Variants in NALF1 observed in about 807,000 individuals in gnomAD.
The protein encoded by NALF1 is NALCN channel auxiliary factor 1, also known as family with sequence similarity 155 member A.
NALF1 carries 3 observed loss-of-function variants against 48.4 expected under a neutral mutation model. That is an observed-to-expected ratio of 0.06 (90% CI 0.03 to 0.16). The LOEUF (loss-of-function observed/expected upper bound fraction) is 0.16. Ranked by LOEUF, NALF1 falls within the 10% of genes least tolerant of loss-of-function variation. The pLI, the probability that NALF1 is intolerant of heterozygous loss-of-function variation, is 1.00. For synonymous variants in NALF1, 262 were observed against 245.7 expected (o/e 1.07, Z -0.62); for missense variants, 526 against 571.5 (o/e 0.92, Z 0.81).
intron 1 of NALF1, among the ~76,000 whole-genome samples, chr13:107,673,653 C>A (rs898432867): frequency 2.6e-5 from 4 of 152,062 alleles, no homozygotes; most frequent in African/African-American, 9.7e-5. Context: ...GCAATAATAT[C>A]TAGTTTCAAA....
At chr13:107,728,926 A>G (rs1249602273) in intron 1 of NALF1, among the ~76,000 whole-genome samples, 1 of 152,210 alleles carries the variant, frequency 6.6e-6, no homozygotes, top group Non-Finnish European at 1.5e-5. Flanking sequence ...AGAAAGATAA[A>G]GCCATGCAAT....
intron 1 of NALF1, among the ~76,000 whole-genome samples, chr13:107,225,628 G>A (rs1880086239): frequency 7.0e-6 from 1 of 143,498 alleles, no homozygotes; most frequent in Non-Finnish European, 1.5e-5. Flanking sequence ...GGGGGATGGG[G>A]ATGGGGATGG....
At chr13:107,299,297 G>A (rs568650343) in intron 1 of NALF1, among the ~76,000 whole-genome samples, 1 of 152,098 alleles carries the variant, frequency 6.6e-6, no homozygotes, top group Admixed American at 6.5e-5. Flanking sequence ...TGGGCATGGT[G>A]GCGCATGCCT....
intron 1 of NALF1, among the ~76,000 whole-genome samples, chr13:107,395,492 C>G (rs566300897): frequency 6.6e-6 from 1 of 152,228 alleles, no homozygotes; most frequent in African/African-American, 2.4e-5. Context: ...TTTAAGATTC[C>G]TCAGACTACA....
At chr13:107,400,025 C>T (rs565650853) in intron 1 of NALF1, among the ~76,000 whole-genome samples, 1 of 152,062 alleles carries the variant, frequency 6.6e-6, no homozygotes, top group East Asian at 1.9e-4. Flanking sequence ...GACAATAGAA[C>T]TAAAATTTTT....
intron 1 of NALF1, among the ~76,000 whole-genome samples, chr13:107,735,562 G>C (rs1876444312): frequency 6.6e-6 from 1 of 152,178 alleles, no homozygotes; most frequent in South Asian, 2.1e-4. Flanking sequence ...GATTAAGTTG[G>C]AAGAGGTGTA....
intron 1 of NALF1, among the ~76,000 whole-genome samples, chr13:107,258,947 G>A (rs936006678): frequency 1.4e-4 from 21 of 152,262 alleles, no homozygotes; most frequent in Admixed American, 3.3e-4. Flanking sequence ...TATGACAGGC[G>A]TGAGCCACTG....
intron 1 of NALF1, among the ~76,000 whole-genome samples, chr13:107,289,488 G>A (rs1881571907): frequency 6.6e-6 from 1 of 152,088 alleles, no homozygotes; most frequent in South Asian, 2.1e-4. Flanking sequence ...ATGTAAGTAA[G>A]TAATATATTA....
chr13:107,438,079 T>G (rs1884491969), intron 1 of NALF1, among the ~76,000 whole-genome samples: 1 of 152,218 alleles, frequency 6.6e-6, no homozygotes, highest in Admixed American at 6.5e-5. Flanking sequence ...TTGTAAATTA[T>G]TCTGAGTGAT....
Position 107,749,847 on chromosome 13 carries a change from T to C in NALF1, c.915+115835A>G, listed in dbSNP as rs530712493. Among the ~76,000 whole-genome samples, 124 of 151,976 alleles carry C rather than the reference T, an allele frequency of 8.2e-4. 1 individual carries two copies. The highest frequency in any genetic ancestry group is 3.0e-3 in the African/African-American group (123 of 41,394). The stretch of plus-strand genomic sequence containing the variant: ...GTTTGTTTGTTTGTTTGAGACAGAG[T>C]CTTGCTCTGTCTCCCAGGCTGGAAT... On this transcript the variant is annotated intron_variant, in intron 1 of 2. Transcript: ENST00000375915.
chr13:107,299,938 C>G (rs550893940), intron 1 of NALF1, among the ~76,000 whole-genome samples: 2 of 152,136 alleles, frequency 1.3e-5, no homozygotes, highest in African/African-American at 4.8e-5. Flanking sequence ...TTCCTTGCCC[C>G]GACCTGAGCA....
intron 1 of NALF1, among the ~76,000 whole-genome samples, chr13:107,523,536 CA>C (rs1319299149): frequency 8.5e-6 from 1 of 117,780 alleles, no homozygotes; most frequent in South Asian, 3.2e-4. Flanking sequence ...CCCCACCCCA[CA>C]ATTTTATATG....
chr13:107,456,127 G>C (rs1282999168), intron 1 of NALF1, among the ~76,000 whole-genome samples: 1 of 152,114 alleles, frequency 6.6e-6, no homozygotes, highest in East Asian at 1.9e-4. Flanking sequence ...GAGGGATAGA[G>C]GAGTTTTTTT....
chr13:107,679,541 C>T (rs547425690), intron 1 of NALF1, among the ~76,000 whole-genome samples: 23 of 152,314 alleles, frequency 1.5e-4, no homozygotes, highest in African/African-American at 5.5e-4. Flanking sequence ...AAATGTAACT[C>T]CAATTCCTCT....
chr13:107,424,698 A>G (rs570772493), intron 1 of NALF1, among the ~76,000 whole-genome samples: 26 of 152,322 alleles, frequency 1.7e-4, no homozygotes, highest in Admixed American at 8.5e-4. Context: ...AATACTGGCT[A>G]ACTTCAAACC....
At chr13:107,382,600 T>C (rs1473184834) in intron 1 of NALF1, among the ~76,000 whole-genome samples, 1 of 152,218 alleles carries the variant, frequency 6.6e-6, no homozygotes, top group East Asian at 1.9e-4. Context: ...TTAATGCCTC[T>C]GTGATGTCAG....
intron 1 of NALF1, among the ~76,000 whole-genome samples, chr13:107,289,705 G>A (rs757748784): frequency 7.9e-5 from 12 of 152,182 alleles, no homozygotes; most frequent in Non-Finnish European, 1.6e-4. Flanking sequence ...TCCATCTGCA[G>A]TCATCCAGCT....
chr13:107,651,779 G>T (rs1020111402), intron 1 of NALF1, among the ~76,000 whole-genome samples: 17 of 152,104 alleles, frequency 1.1e-4, no homozygotes, highest in African/African-American at 4.1e-4. Flanking sequence ...ATACACTTGA[G>T]GATTACTACA....
chr13:107,169,607 G>C lies in NALF1; in HGVS notation c.*890C>G, dbSNP rs1383867707. 6.6e-6 allele frequency: 1 copy of C among 152,246 alleles called. No homozygotes were observed. Among genetic ancestry groups the C allele is most frequent in the Non-Finnish European group, 1.5e-5 (1 of 68,036 alleles). 9.4% of individuals were successfully genotyped at this position (152,246 alleles called of 1,614,324 possible). On this transcript the variant is annotated 3_prime_UTR_variant, in exon 3 of 3. Coordinates refer to ENST00000375915, the MANE Select transcript of NALF1 (RefSeq NM_001080396.3). ...AAAGGGCTGGGCCACTTGGGGATGGGAACTGGAGCAATACAGTTCATGATA... is the reference window on the plus strand; with the variant it reads ...AAAGGGCTGGGCCACTTGGGGATGGCAACTGGAGCAATACAGTTCATGATA...
Sources: gnomAD v4.1 joint callset for allele counts (sites outside exome capture counted in the v4.1 genomes callset) on GRCh38, gnomAD v4.1.1 for gene constraint, MANE v1.5 for transcripts, NCBI Gene and HGNC (gene_info 2026-07-23, HGNC 2026-07-21) for gene names.